Variants in LYPLAL1 observed in about 807,000 individuals in gnomAD.
The protein encoded by LYPLAL1 is lysophospholipase like 1.
Under a neutral mutation model 19.7 loss-of-function variants are expected in LYPLAL1, and 23 were observed. The observed-to-expected ratio is 1.17, with a 90% CI of 0.84 to 1.65. LYPLAL1 has a LOEUF of 1.65. Among genes scored for constraint, LYPLAL1 ranks in the 40% most tolerant of loss-of-function variants. The pLI is 0.00. For synonymous variants in LYPLAL1, 119 were observed against 96.3 expected (o/e 1.24, Z -1.38); for missense variants, 355 against 279.4 (o/e 1.27, Z -1.93).
chr1:219,437,918 C>G, the LYPLAL1 span, among the ~76,000 whole-genome samples: 1 of 151,914 alleles, frequency 6.6e-6, no homozygotes, highest in Non-Finnish European at 1.5e-5. Context: ...AGGCGCCCAC[C>G]ACCACGCCTG....
chr1:219,287,449 G>T, the LYPLAL1 span, among the ~76,000 whole-genome samples: 1 of 152,152 alleles, frequency 6.6e-6, no homozygotes, highest in Non-Finnish European at 1.5e-5. Flanking sequence ...TCCACAGTGT[G>T]TATCTTCAGG....
chr1:219,306,130 G>A, the LYPLAL1 span, among the ~76,000 whole-genome samples: 14,895 of 152,170 alleles, frequency 0.098, 808 homozygotes, highest in African/African-American at 0.11. Context: ...CATATGAATG[G>A]TATCTTCTTG....
the LYPLAL1 span, among the ~76,000 whole-genome samples, chr1:219,219,345 C>G: frequency 4.6e-5 from 7 of 152,154 alleles, no homozygotes; most frequent in Admixed American, 4.6e-4. Flanking sequence ...CACCTGAAGT[C>G]TACAAGAGTG....
the LYPLAL1 span, among the ~76,000 whole-genome samples, chr1:219,436,835 G>T: frequency 6.6e-6 from 1 of 152,228 alleles, no homozygotes; most frequent in East Asian, 1.9e-4. Context: ...AAAAATGAAA[G>T]AACTTCTAGG....
At chr1:219,225,126 T>G in the LYPLAL1 span, among the ~76,000 whole-genome samples, 698 of 152,268 alleles carry the variant, frequency 4.6e-3, 5 homozygotes, top group South Asian at 0.024. Context: ...GCTGGCTCCA[T>G]GTCTATACCT....
the LYPLAL1 span, among the ~76,000 whole-genome samples, chr1:219,246,757 T>G: frequency 4.6e-5 from 7 of 152,138 alleles, no homozygotes; most frequent in African/African-American, 1.7e-4. Flanking sequence ...AGCTAATTGT[T>G]GTATTTTTTG....
At chr1:219,439,992 C>CACATATATATATACATATATATATAT in the LYPLAL1 span, among the ~76,000 whole-genome samples, 1 of 32,386 alleles carries the variant, frequency 3.1e-5, no homozygotes, top group African/African-American at 9.5e-5. Context: ...TATATATATA[C>CACATATATATATACATATATATATAT]ACACATATAT....
intron 2 of LYPLAL1, among the ~76,000 whole-genome samples, chr1:219,180,561 T>C (rs1656192673): frequency 6.6e-6 from 1 of 152,190 alleles, no homozygotes; most frequent in Non-Finnish European, 1.5e-5. Flanking sequence ...GTGGTTATTT[T>C]TGTGCTATAA....
chr1:219,420,534 C>T, the LYPLAL1 span, among the ~76,000 whole-genome samples: 11 of 152,220 alleles, frequency 7.2e-5, no homozygotes, highest in South Asian at 2.1e-4. Context: ...TGTAGTCAAA[C>T]GTTTAGTTCA....
At chr1:219,323,412 T>G in the LYPLAL1 span, among the ~76,000 whole-genome samples, 1 of 151,964 alleles carries the variant, frequency 6.6e-6, no homozygotes, top group Non-Finnish European at 1.5e-5. Context: ...TTGAAAGAGG[T>G]TAGGGAGGAA....
chr1:219,211,521 T>C lies in LYPLAL1; in HGVS notation c.507T>C (p.Pro169=). 1 of 1,611,970 alleles carries C rather than the reference T, an allele frequency of 6.2e-7. No homozygotes were observed. The highest frequency in any genetic ancestry group is 8.5e-7 in the Non-Finnish European group (1 of 1,178,516). Residue 169 remains proline (P), a synonymous_variant, in exon 5 of 5, where the codon CCT becomes CCC. Transcript: ENST00000366928. ...TTCAGAAGAGTAATGGTGTACTTCC[T>C]GAATTATTTCAGTGTCATGGTACTG... is the stretch of plus-strand genomic sequence containing the variant. ...QALQKSNGVL[P]ELFQCHGTAD...
the LYPLAL1 span, among the ~76,000 whole-genome samples, chr1:219,254,952 T>C: frequency 1.2e-4 from 19 of 152,016 alleles, no homozygotes; most frequent in Non-Finnish European, 2.2e-4. Context: ...TCGAACGTTT[T>C]GTTCCTTACT....
chr1:219,241,095 A>G, the LYPLAL1 span, among the ~76,000 whole-genome samples: 4 of 91,536 alleles, frequency 4.4e-5, no homozygotes, highest in African/African-American at 8.7e-5. Context: ...ATAAATATAT[A>G]TAATCTCTCT....
At chr1:219,388,875 A>G in the LYPLAL1 span, among the ~76,000 whole-genome samples, 4 of 152,168 alleles carry the variant, frequency 2.6e-5, no homozygotes, top group Non-Finnish European at 4.4e-5. Flanking sequence ...TTTATTCAAA[A>G]TATCTCTAAT....
chr1:219,294,059 A>T, the LYPLAL1 span, among the ~76,000 whole-genome samples: 1 of 152,224 alleles, frequency 6.6e-6, no homozygotes, highest in South Asian at 2.1e-4. Flanking sequence ...CTTCTCCTTT[A>T]GGCTACCATT....
the LYPLAL1 span, among the ~76,000 whole-genome samples, chr1:219,407,890 C>T: frequency 2.6e-5 from 4 of 152,258 alleles, no homozygotes; most frequent in South Asian, 2.1e-4. Flanking sequence ...CTTGCTGTGT[C>T]CTCACATGGC....
chr1:219,384,509 G>A, the LYPLAL1 span, among the ~76,000 whole-genome samples: 2 of 152,152 alleles, frequency 1.3e-5, no homozygotes, highest in African/African-American at 4.8e-5. Flanking sequence ...TTCTTGTTTA[G>A]TGTAGAATCA....
the LYPLAL1 span, among the ~76,000 whole-genome samples, chr1:219,357,195 T>C: frequency 1.3e-5 from 2 of 152,216 alleles, no homozygotes; most frequent in Non-Finnish European, 2.9e-5. Flanking sequence ...TTTTCATCAG[T>C]GTATTTTATT....
the LYPLAL1 span, among the ~76,000 whole-genome samples, chr1:219,372,430 T>A: frequency 6.6e-6 from 1 of 152,172 alleles, no homozygotes; most frequent in Non-Finnish European, 1.5e-5. Context: ...ATAGGTGAAG[T>A]AATTGAGATC....
Sources: gnomAD v4.1 joint callset for allele counts (sites outside exome capture counted in the v4.1 genomes callset) on GRCh38, gnomAD v4.1.1 for gene constraint, MANE v1.5 for transcripts, NCBI Gene and HGNC (gene_info 2026-07-23, HGNC 2026-07-21) for gene names.